Variants in ARHGAP44 observed in about 807,000 individuals in gnomAD.
The protein encoded by ARHGAP44 is Rho GTPase activating protein 44.
In ARHGAP44, 43 loss-of-function variants were observed where a neutral mutation model predicts 106.8. The ratio of observed to expected loss-of-function variants is 0.40; its 90% CI spans 0.32 to 0.52. ARHGAP44 has a LOEUF of 0.52. ARHGAP44 is among the 20% of genes least tolerant of loss of function. The pLI is 0.48. For synonymous variants in ARHGAP44, 439 were observed against 410.3 expected (o/e 1.07, Z -0.85); for missense variants, 866 against 1,050.5 (o/e 0.82, Z 2.43).
At chr17:12,823,457 CAGAT>C (rs1293035268) in intron 1 of ARHGAP44, among the ~76,000 whole-genome samples, 4 of 152,158 alleles carry the variant, frequency 2.6e-5, no homozygotes, top group African/African-American at 7.2e-5. Context: ...GAAGCTCTGT[CAGAT>C]GGATGGAACG....
chr17:12,872,620 G>T (rs141840066), intron 1 of ARHGAP44, among the ~76,000 whole-genome samples: 1 of 152,234 alleles, frequency 6.6e-6, no homozygotes, highest in East Asian at 1.9e-4. Context: ...TCTGTTACTG[G>T]TTACTGTTGC....
intron 1 of ARHGAP44, among the ~76,000 whole-genome samples, chr17:12,822,185 A>G (rs1032906210): frequency 3.9e-5 from 6 of 152,240 alleles, no homozygotes; most frequent in African/African-American, 1.4e-4. Flanking sequence ...CTGCTATTAT[A>G]GTGAATAAAC....
At chr17:12,866,785 T>C (rs1567657313) in intron 1 of ARHGAP44, among the ~76,000 whole-genome samples, 1 of 152,016 alleles carries the variant, frequency 6.6e-6, no homozygotes, top group Non-Finnish European at 1.5e-5. Flanking sequence ...GGAAGGTAAA[T>C]GTGTGGGGGA....
At chr17:12,868,614 T>C (rs2036309693) in intron 1 of ARHGAP44, among the ~76,000 whole-genome samples, 1 of 143,648 alleles carries the variant, frequency 7.0e-6, no homozygotes, top group Admixed American at 7.0e-5. Flanking sequence ...TATATATATA[T>C]ATATATATAT....
chr17:12,976,335 G>A (rs573172767), intron 18 of ARHGAP44, among the ~76,000 whole-genome samples: 70 of 151,990 alleles, frequency 4.6e-4, no homozygotes, highest in African/African-American at 1.2e-3. Flanking sequence ...TTTCACGGCC[G>A]GGCACGGTGG....
chr17:12,831,883 G>T (rs1238433209), intron 1 of ARHGAP44, among the ~76,000 whole-genome samples: 1 of 152,132 alleles, frequency 6.6e-6, no homozygotes, highest in Non-Finnish European at 1.5e-5. Flanking sequence ...GTCATTCTAG[G>T]GATGAGACCG....
intron 1 of ARHGAP44, among the ~76,000 whole-genome samples, chr17:12,894,519 T>C (rs978950641): frequency 6.6e-6 from 1 of 152,182 alleles, no homozygotes; most frequent in Non-Finnish European, 1.5e-5. Flanking sequence ...GGTGGTGGCA[T>C]TTGCATTAGT....
chr17:12,892,394 A>G (rs898227815), intron 1 of ARHGAP44, among the ~76,000 whole-genome samples: 1 of 150,996 alleles, frequency 6.6e-6, no homozygotes, highest in Non-Finnish European at 1.5e-5. Context: ...TAGAAGTTTG[A>G]CCATGATGTG....
At chr17:12,963,886 A>G (rs1189354409) in intron 16 of ARHGAP44, among the ~76,000 whole-genome samples, 4 of 152,204 alleles carry the variant, frequency 2.6e-5, no homozygotes, top group Admixed American at 6.5e-5. Context: ...CTGGCCTGGG[A>G]TAAGTATGTG....
intron 1 of ARHGAP44, among the ~76,000 whole-genome samples, chr17:12,800,656 G>C (rs571775203): frequency 6.6e-6 from 1 of 152,220 alleles, no homozygotes; most frequent in Non-Finnish European, 1.5e-5. Context: ...GTCATCTGTT[G>C]TCAGGAACTA....
At chr17:12,862,818 G>A (rs1280508590) in intron 1 of ARHGAP44, among the ~76,000 whole-genome samples, 1 of 151,976 alleles carries the variant, frequency 6.6e-6, no homozygotes, top group East Asian at 1.9e-4. Context: ...AACATAGTGA[G>A]ATCCTGTCTC....
At chr17:12,937,872 G>A (rs1216025697) in intron 7 of ARHGAP44, among the ~76,000 whole-genome samples, 1 of 152,110 alleles carries the variant, frequency 6.6e-6, no homozygotes, top group African/African-American at 2.4e-5. Context: ...AGGCCGAGGT[G>A]GGCGGATTGC....
rs2150776956 is a variant in ARHGAP44 at position 12,809,474 on chromosome 17, C to T, written c.53+19583C>T. On this transcript the variant is annotated intron_variant, in intron 1 of 20. Transcript: ENST00000379672. ...TCTTACACGGCAGCAGACAAGAGAG[C>T]TTGTGCAGGGAACTCCCCTTTATAA... Among the ~76,000 whole-genome samples, 2 of 152,314 alleles carry T rather than the reference C, an allele frequency of 1.3e-5. 1 individual carries two copies. Among genetic ancestry groups the T allele is most frequent in the South Asian group, 4.1e-4 (2 of 4,824 alleles).
intron 18 of ARHGAP44, among the ~76,000 whole-genome samples, chr17:12,975,569 C>G (rs184511555): frequency 6.6e-6 from 1 of 152,032 alleles, no homozygotes; most frequent in East Asian, 1.9e-4. Context: ...GAGGCCGAGG[C>G]GGGTGGATCA....
chr17:12,975,881 A>C (rs2039669483), intron 18 of ARHGAP44, among the ~76,000 whole-genome samples: 1 of 151,964 alleles, frequency 6.6e-6, no homozygotes, highest in Admixed American at 6.6e-5. Context: ...AGGCCCTGAC[A>C]AATAATGACA....
chr17:12,943,143 G>A (rs2038751841), intron 8 of ARHGAP44, among the ~76,000 whole-genome samples: 1 of 152,180 alleles, frequency 6.6e-6, no homozygotes, highest in Non-Finnish European at 1.5e-5. Flanking sequence ...CTGGGCTCAA[G>A]TGATCCTCCA....
chr17:12,819,200 T>C (rs908190849), intron 1 of ARHGAP44, among the ~76,000 whole-genome samples: 5 of 152,098 alleles, frequency 3.3e-5, no homozygotes, highest in Middle Eastern at 3.2e-3. Context: ...TCATATGGCA[T>C]GTGTTCTTTT....
At chr17:12,959,539 A>G (rs552728394) in intron 16 of ARHGAP44, among the ~76,000 whole-genome samples, 1 of 152,330 alleles carries the variant, frequency 6.6e-6, no homozygotes, top group South Asian at 2.1e-4. Flanking sequence ...GAACTACATA[A>G]TGATTCCCAT....
chr17:12,828,792 C>T (rs1597900704), intron 1 of ARHGAP44, among the ~76,000 whole-genome samples: 1 of 151,768 alleles, frequency 6.6e-6, no homozygotes, highest in South Asian at 2.1e-4. Context: ...CAGGCGTCCG[C>T]CACCATGCCC....
Sources: gnomAD v4.1 joint callset for allele counts (sites outside exome capture counted in the v4.1 genomes callset) on GRCh38, gnomAD v4.1.1 for gene constraint, MANE v1.5 for transcripts, NCBI Gene and HGNC (gene_info 2026-07-23, HGNC 2026-07-21) for gene names.